The following EYS variants were observed in gnomAD, a reference collection of about 807,000 sequenced individuals.
EYS encodes the protein EGF-like photoreceptor maintenance factor.
Under a neutral mutation model 282.1 loss-of-function variants are expected in EYS, and 250 were observed. The ratio of observed to expected loss-of-function variants is 0.89; its 90% CI spans 0.80 to 0.98. EYS has a LOEUF of 0.98. EYS is among the 50% of genes least tolerant of loss of function. EYS has a pLI of 0.00. For synonymous variants in EYS, 1,355 were observed against 1,282.9 expected (o/e 1.06, Z -1.20); for missense variants, 4,016 against 3,709.0 (o/e 1.08, Z -2.15).
intron 26 of EYS, among the ~76,000 whole-genome samples, chr6:64,449,874 A>G (rs1317280270): frequency 6.6e-6 from 1 of 152,172 alleles, no homozygotes; most frequent in Non-Finnish European, 1.5e-5. Flanking sequence ...CATGGAAAGG[A>G]ACAACCGGTA....
chr6:65,628,074 G>A (rs9453351), intron 2 of EYS, among the ~76,000 whole-genome samples: 33 of 151,950 alleles, frequency 2.2e-4, no homozygotes, highest in African/African-American at 6.8e-4. Context: ...AATCAGCACC[G>A]TGTGTCTAGC....
intron 22 of EYS, among the ~76,000 whole-genome samples, chr6:64,749,886 A>T (rs1772685987): frequency 6.6e-6 from 1 of 152,142 alleles, no homozygotes; most frequent in Admixed American, 6.5e-5. Flanking sequence ...TACGTAATAT[A>T]TAATAGCAAA....
At chr6:64,117,076 G>C (rs1773409925) in intron 31 of EYS, among the ~76,000 whole-genome samples, 2 of 152,018 alleles carry the variant, frequency 1.3e-5, no homozygotes, top group Admixed American at 6.6e-5. Context: ...GAACCTAATA[G>C]AGATATACTG....
At chr6:65,397,416 T>G (rs1011226749) in intron 7 of EYS, among the ~76,000 whole-genome samples, 2 of 152,178 alleles carry the variant, frequency 1.3e-5, no homozygotes, top group South Asian at 4.1e-4. Context: ...TATTTTACCC[T>G]GTATGTCAAT....
At chr6:65,003,970 C>A (rs1001935287) in intron 13 of EYS, among the ~76,000 whole-genome samples, 1 of 147,194 alleles carries the variant, frequency 6.8e-6, no homozygotes, top group African/African-American at 2.4e-5. Context: ...ACAGAAAAAT[C>A]CATGTTTCCA....
intron 36 of EYS, among the ~76,000 whole-genome samples, chr6:63,827,829 C>A (rs372868308): frequency 4.8e-5 from 6 of 124,334 alleles, no homozygotes; most frequent in Non-Finnish European, 6.3e-5. Context: ...CCGGCCTGGG[C>A]GACAGAGCAA....
Position 64,992,418 on chromosome 6 carries a change from TA to T in EYS, c.2259+5163del, listed in dbSNP as rs568085555. On this transcript the variant is annotated intron_variant, in intron 14 of 42. Coordinates refer to ENST00000503581, the MANE Select transcript of EYS (RefSeq NM_001142800.2). ...TACAAGTTGTTTAATCTAATAAAAA[TA>T]AAAAAAGTTAAGAAAATATTTATTC... Among the ~76,000 whole-genome samples, 165 of 151,844 alleles carry T rather than the reference TA, an allele frequency of 1.1e-3. 1 individual carries two copies. The highest frequency in any genetic ancestry group is 3.6e-3 in the African/African-American group (151 of 41,482).
At chr6:65,435,868 A>C (rs1768057181) in intron 5 of EYS, among the ~76,000 whole-genome samples, 1 of 152,158 alleles carries the variant, frequency 6.6e-6, no homozygotes, top group African/African-American at 2.4e-5. Context: ...ATAGAGGCAC[A>C]GAGGGAAGAC....
chr6:64,391,716 A>T (rs1773155441), intron 28 of EYS, among the ~76,000 whole-genome samples: 2 of 152,112 alleles, frequency 1.3e-5, no homozygotes, highest in African/African-American at 4.8e-5. Flanking sequence ...AACTGCATCA[A>T]CTAACGAGCA....
At chr6:63,838,977 A>G (rs1005814227) in intron 36 of EYS, among the ~76,000 whole-genome samples, 1 of 152,210 alleles carries the variant, frequency 6.6e-6, no homozygotes, top group Non-Finnish European at 1.5e-5. Flanking sequence ...GCACAGTGTG[A>G]TATTTTAATA....
At chr6:65,266,692 G>GT (rs1395092415) in intron 12 of EYS, among the ~76,000 whole-genome samples, 5 of 151,318 alleles carry the variant, frequency 3.3e-5, no homozygotes, top group African/African-American at 1.2e-4. Context: ...TCTCTGCCAG[G>GT]TTTTTTACAA....
At chr6:64,564,380 C>A (rs1267466770) in intron 26 of EYS, among the ~76,000 whole-genome samples, 1 of 137,440 alleles carries the variant, frequency 7.3e-6, no homozygotes, top group Non-Finnish European at 1.5e-5. Flanking sequence ...CGGGTTCAAG[C>A]AATTCTCCTG....
At chr6:65,112,574 T>TACA (rs1775243103) in intron 12 of EYS, among the ~76,000 whole-genome samples, 1 of 152,204 alleles carries the variant, frequency 6.6e-6, no homozygotes, top group Admixed American at 6.5e-5. Flanking sequence ...ATAAATAGCT[T>TACA]ACATTACATT....
At chr6:65,306,881 G>T (rs1338798327) in intron 11 of EYS, among the ~76,000 whole-genome samples, 1 of 117,770 alleles carries the variant, frequency 8.5e-6, no homozygotes, top group Non-Finnish European at 1.9e-5. Flanking sequence ...AGATTTTGTA[G>T]TCTTCCTCTG....
At chr6:63,725,219 ACT>A (rs1395854140) in intron 42 of EYS, among the ~76,000 whole-genome samples, 1 of 152,038 alleles carries the variant, frequency 6.6e-6, no homozygotes, top group Non-Finnish European at 1.5e-5. Flanking sequence ...AAAAAAGGAA[ACT>A]CTTGATTGTC....
intron 34 of EYS, among the ~76,000 whole-genome samples, chr6:63,996,741 T>A (rs1486023124): frequency 3.9e-5 from 6 of 152,136 alleles, no homozygotes; most frequent in Non-Finnish European, 8.8e-5. Context: ...AAGATAATAA[T>A]AGTATTTACT....
In EYS at chr6:64,220,727, C is replaced by T. The variant is rs1470274699; in HGVS notation, c.6424+9865G>A. The stretch of plus-strand genomic sequence containing the variant: ...CTGCAAACATCTTTGCATGCTCATT[C>T]TAGGGTTCTATGAGATTCCATCTTT... On this transcript the variant is annotated intron_variant, in intron 31 of 42. Transcript: ENST00000503581. 3.3e-5 allele frequency among the ~76,000 whole-genome samples: 5 copies of T among 152,238 alleles called. No homozygotes were observed. In the South Asian group the frequency reaches 8.3e-4, roughly 25 times the overall value.
intron 31 of EYS, among the ~76,000 whole-genome samples, chr6:64,165,875 A>G (rs1211714869): frequency 6.6e-6 from 1 of 152,190 alleles, no homozygotes; most frequent in Non-Finnish European, 1.5e-5. Context: ...TATATAAGGC[A>G]TTTATGCCCA....
chr6:63,741,573 A>C (rs983832213), intron 41 of EYS, among the ~76,000 whole-genome samples: 4 of 152,216 alleles, frequency 2.6e-5, no homozygotes, highest in Admixed American at 6.5e-5. Context: ...ATTTGTCACA[A>C]TTTATTGAAA....
Sources: allele counts gnomAD v4.1 joint callset (sites outside exome capture counted in the v4.1 genomes callset), GRCh38; gene constraint gnomAD v4.1.1; transcripts MANE v1.5; gene names NCBI Gene and HGNC (gene_info 2026-07-23, HGNC 2026-07-21).